Variants in SH3PXD2B observed in about 807,000 individuals in gnomAD.
SH3PXD2B encodes the protein SH3 and PX domains 2B.
Under a neutral mutation model 73.1 loss-of-function variants are expected in SH3PXD2B, and 37 were observed. The ratio of observed to expected loss-of-function variants is 0.51; its 90% confidence interval spans 0.39 to 0.67. SH3PXD2B has a LOEUF of 0.67. Among genes scored for constraint, SH3PXD2B ranks in the 30% least tolerant of loss-of-function variants. The pLI is 0.00. For synonymous variants in SH3PXD2B, 457 were observed against 480.5 expected (o/e 0.95, Z 0.64); for missense variants, 1,053 against 1,197.8 (o/e 0.88, Z 1.78).
At chr5:172,412,502 C>T (rs1285978943) in intron 2 of SH3PXD2B, among the ~76,000 whole-genome samples, 1 of 152,228 alleles carries the variant, frequency 6.6e-6, no homozygotes, top group East Asian at 1.9e-4. Flanking sequence ...AATTTTATTT[C>T]GTTTTCTTCA....
At position 172,335,422 on chromosome 5, in the gene SH3PXD2B, GAAC is replaced by G. The variant is rs200509932; in HGVS notation, c.*2944_*2946del. 2,288 of 1,203,094 alleles carry G rather than the reference GAAC, an allele frequency of 1.9e-3. 36 individuals carry two copies. In the African/African-American group the frequency reaches 0.036, roughly 19 times the overall value. The allele number at this position is 1,203,094 out of a possible 1,614,324, so 74.5% of individuals were successfully genotyped here. On this transcript the variant is annotated 3_prime_UTR_variant, in exon 13 of 13. Transcript: ENST00000311601. ...AGAAAAGTCATGGACACGAGGGAAA[GAAC>G]AACAACAACAAAACCAAACAAACCC...
rs886060409 is a variant in SH3PXD2B, at chr5:172,334,434, G to A, written c.*3935C>T. On this transcript the variant is annotated 3_prime_UTR_variant, in exon 13 of 13. Coordinates refer to ENST00000311601, the MANE Select transcript of SH3PXD2B (RefSeq NM_001017995.3). Reference sequence around the variant, plus strand: ...CTCTCATCAGCCCACAGTCTGACACGAGGTCATCTTTGGTCTGTGGTGAGG... The same window carrying A: ...CTCTCATCAGCCCACAGTCTGACACAAGGTCATCTTTGGTCTGTGGTGAGG... The A allele has an allele frequency of 1.2e-5, 12 of 988,016 alleles. No individual in the cohort carries two copies. Among genetic ancestry groups the A allele is most frequent in the Non-Finnish European group, 1.4e-5 (12 of 832,080 alleles). 61.2% of individuals were successfully genotyped at this position (988,016 alleles called of 1,614,324 possible). A position where few individuals can be genotyped will look rare whatever the true frequency, so the allele number is the denominator to read the frequency against.
intron 7 of SH3PXD2B, among the ~76,000 whole-genome samples, chr5:172,359,502 CAT>C (rs1347466656): frequency 6.6e-6 from 1 of 151,924 alleles, no homozygotes; most frequent in East Asian, 1.9e-4. Context: ...CAACTGCACA[CAT>C]GAGGAAACTG....
rs145231158 is a variant in SH3PXD2B, at chr5:172,454,088, G to T, written c.75+190C>A. ...GATGGAGGGGGAGAACGAGGCAAAA[G>T]CGGGGAGGGGAGGGGAGGGAGGGAG... On this transcript the variant is annotated intron_variant, in intron 1 of 12. Coordinates refer to ENST00000311601, the MANE Select transcript of SH3PXD2B (RefSeq NM_001017995.3). 0.036 allele frequency among the ~76,000 whole-genome samples: 5,359 copies of T among 148,904 alleles called. 140 individuals are homozygous for T. The highest frequency in any genetic ancestry group is 0.054 in the Non-Finnish European group (3,646 of 66,906).
intron 2 of SH3PXD2B, among the ~76,000 whole-genome samples, chr5:172,417,300 G>A (rs956459442): frequency 1.3e-5 from 2 of 152,176 alleles, no homozygotes; most frequent in African/African-American, 4.8e-5. Flanking sequence ...AACTGTTGGG[G>A]TGTTCTCTTT....
intron 7 of SH3PXD2B, among the ~76,000 whole-genome samples, chr5:172,362,021 G>A (rs565961303): frequency 4.7e-4 from 72 of 152,290 alleles, no homozygotes; most frequent in African/African-American, 1.6e-3. Context: ...GCCTTCAATG[G>A]GGTGCAATGG....
chr5:172,390,115 G>T (rs1338076497), intron 4 of SH3PXD2B, among the ~76,000 whole-genome samples: 1 of 152,188 alleles, frequency 6.6e-6, no homozygotes, highest in Non-Finnish European at 1.5e-5. Context: ...AAATTACAGA[G>T]TTGTGCAGCA....
intron 2 of SH3PXD2B, among the ~76,000 whole-genome samples, chr5:172,414,466 A>AT (rs1259121405): frequency 6.6e-6 from 1 of 151,110 alleles, no homozygotes; most frequent in Non-Finnish European, 1.5e-5. Context: ...TAAAAAAAAA[A>AT]AAAAAAAAAA....
At chr5:172,426,982 C>T (rs1334369391) in intron 1 of SH3PXD2B, among the ~76,000 whole-genome samples, 1 of 152,182 alleles carries the variant, frequency 6.6e-6, no homozygotes, top group East Asian at 1.9e-4. Context: ...CACAGTAGAC[C>T]TTTCCTTTTT....
chr5:172,332,564 T>C (rs1267140942), downstream of SH3PXD2B, among the ~76,000 whole-genome samples: 2 of 144,578 alleles, frequency 1.4e-5, no homozygotes, highest in African/African-American at 2.6e-5. Flanking sequence ...ACCTTCTGTT[T>C]TTCTCCTTCT....
chr5:172,377,227 G>C (rs1757840287), intron 5 of SH3PXD2B, among the ~76,000 whole-genome samples: 1 of 152,168 alleles, frequency 6.6e-6, no homozygotes, highest in African/African-American at 2.4e-5. Context: ...GTGTTCCCAA[G>C]TTTTCCTACT....
intron 4 of SH3PXD2B, among the ~76,000 whole-genome samples, chr5:172,392,515 T>G (rs10065433): frequency 0.11 from 16,307 of 152,056 alleles, 1,822 homozygotes; most frequent in African/African-American, 0.29. Flanking sequence ...CTCATGCCTG[T>G]AATCCCAGCA....
At chr5:172,431,797 C>T (rs556149722) in intron 1 of SH3PXD2B, among the ~76,000 whole-genome samples, 1 of 152,236 alleles carries the variant, frequency 6.6e-6, no homozygotes, top group Non-Finnish European at 1.5e-5. Context: ...GGGTTAGGGT[C>T]TTTCGAGCCT....
chr5:172,442,530 A>G (rs1472000721), intron 1 of SH3PXD2B, among the ~76,000 whole-genome samples: 1 of 152,194 alleles, frequency 6.6e-6, no homozygotes, highest in Non-Finnish European at 1.5e-5. Flanking sequence ...ACATTGTTTA[A>G]ATTACCATAC....
chr5:172,448,495 T>C (rs2113520037), intron 1 of SH3PXD2B, among the ~76,000 whole-genome samples: 1 of 152,342 alleles, frequency 6.6e-6, no homozygotes, highest in East Asian at 1.9e-4. Flanking sequence ...CTGAGCATTG[T>C]GTGCTAGGTA....
In SH3PXD2B at chr5:172,351,985, A is replaced by G. The variant is rs142157465; in HGVS notation, c.786-1396T>C. Among the ~76,000 whole-genome samples, 1,059 of 152,228 alleles carry G rather than the reference A, an allele frequency of 7.0e-3. 10 individuals are homozygous for G. The highest frequency in any genetic ancestry group is 0.026 in the South Asian group (123 of 4,820). On this transcript the variant is annotated intron_variant, in intron 9 of 12. Transcript: ENST00000311601. Reference sequence around the variant, plus strand: ...AGATGGGAGGCGATGTGCAGTGCTGACTGGGCTCTGGGGTGAGAAGGGAAT... The same window carrying G: ...AGATGGGAGGCGATGTGCAGTGCTGGCTGGGCTCTGGGGTGAGAAGGGAAT...
At position 172,338,327 on chromosome 5, in the gene SH3PXD2B, C is replaced by T. The variant is rs1581257875; in HGVS notation, c.*42G>A. The stretch of plus-strand genomic sequence containing the variant: ...AGGCGTATTAAATACGTGGGTAAAG[C>T]CAGCAAGGACCAGCGGGCCCTCTAG... On this transcript the variant is annotated 3_prime_UTR_variant, in exon 13 of 13. Transcript: ENST00000311601. The surrounding 1 kb of genome is among the most constrained non-coding windows in gnomAD (Gnocchi z 5.1). 1 of 1,613,356 alleles carries T rather than the reference C, an allele frequency of 6.2e-7. No homozygotes were observed. The highest frequency in any genetic ancestry group is 8.5e-7 in the Non-Finnish European group (1 of 1,180,024).
At chr5:172,389,244 TG>T (rs747069137) in intron 4 of SH3PXD2B, among the ~76,000 whole-genome samples, 66 of 151,790 alleles carry the variant, frequency 4.3e-4, no homozygotes, top group Admixed American at 8.5e-4. Context: ...TTAGTAGAGA[TG>T]GGGTTTCACC....
intron 4 of SH3PXD2B, among the ~76,000 whole-genome samples, chr5:172,390,217 C>G (rs570206019): frequency 2.4e-4 from 37 of 152,234 alleles, no homozygotes; most frequent in Non-Finnish European, 3.4e-4. Context: ...CTACCACCCC[C>G]AGGTCTGGGA....
Sources: allele counts gnomAD v4.1 joint callset (sites outside exome capture counted in the v4.1 genomes callset), GRCh38; gene constraint gnomAD v4.1.1; non-coding constraint Gnocchi (gnomAD v3.1); transcripts MANE v1.5; gene names NCBI Gene and HGNC (gene_info 2026-07-23, HGNC 2026-07-21).